Variants in ADAM32 observed in about 807,000 individuals in gnomAD.
The protein encoded by ADAM32 is ADAM metallopeptidase domain 32.
Under a neutral mutation model 114.9 loss-of-function variants are expected in ADAM32, and 89 were observed. The observed-to-expected ratio is 0.77, with a 90% confidence interval of 0.65 to 0.92. ADAM32 has a LOEUF of 0.92. Among genes scored for constraint, ADAM32 ranks in the 40% least tolerant of loss-of-function variants. The pLI, the probability that ADAM32 is intolerant of heterozygous loss-of-function variation, is 0.00. For missense variants in ADAM32, 870 were observed against 932.8 expected, an observed-to-expected ratio of 0.93 and a Z score of 0.88; for synonymous variants, 285 against 307.5, an observed-to-expected ratio of 0.93 and a Z score of 0.77.
At chr8:39,178,527 A>G (rs968563499) in intron 10 of ADAM32, among the ~76,000 whole-genome samples, 5 of 152,164 alleles carry the variant, frequency 3.3e-5, no homozygotes, top group Admixed American at 6.5e-5. Flanking sequence ...CATTTCAGCC[A>G]TCTCTGCCTC....
At chr8:39,125,610 C>G (rs1802065675) in intron 2 of ADAM32, among the ~76,000 whole-genome samples, 1 of 152,236 alleles carries the variant, frequency 6.6e-6, no homozygotes, top group African/African-American at 2.4e-5. Context: ...AAAAATTTCT[C>G]CCATTCTGTA....
chr8:39,130,797 C>T, intron 2 of ADAM32: 2 of 429,108 alleles, frequency 4.7e-6, no homozygotes, highest in Admixed American at 2.7e-5. Flanking sequence ...TTTTTGTGGC[C>T]TAGAATATGG....
intron 1 of ADAM32, among the ~76,000 whole-genome samples, chr8:39,117,716 A>G (rs1231187146): frequency 6.6e-6 from 1 of 152,074 alleles, no homozygotes; most frequent in East Asian, 1.9e-4. Flanking sequence ...CAATTTCAGT[A>G]GAATATGTTT....
At chr8:39,170,059 GTATA>G in intron 10 of ADAM32, 62 bp downstream of exon 10, 1 of 1,272,298 alleles carries the variant, frequency 7.9e-7, no homozygotes, top group East Asian at 2.4e-5. Flanking sequence ...TGACATGATA[GTATA>G]TATTTTGTAC....
intron 1 of ADAM32, among the ~76,000 whole-genome samples, chr8:39,115,799 T>C (rs78157973): frequency 6.6e-6 from 1 of 152,224 alleles, no homozygotes; most frequent in East Asian, 1.9e-4. Flanking sequence ...GGAGTCTTCA[T>C]CATGAAACCT....
upstream of ADAM32, chr8:39,107,599 G>C (rs1839976306): frequency 7.1e-7 from 1 of 1,414,930 alleles, no homozygotes. Context: ...CGGGGCGCAC[G>C]CTGCGGGCCC....
chr8:39,184,227 A>T (rs1806082820), intron 10 of ADAM32, among the ~76,000 whole-genome samples: 1 of 152,200 alleles, frequency 6.6e-6, no homozygotes, highest in Non-Finnish European at 1.5e-5. Flanking sequence ...TAATGGCAAC[A>T]CTAATATAAG....
chr8:39,259,540 A>G (rs1038412467), intron 19 of ADAM32, among the ~76,000 whole-genome samples: 2 of 152,134 alleles, frequency 1.3e-5, no homozygotes, highest in African/African-American at 4.8e-5. Flanking sequence ...TATAATGTCT[A>G]AATTTAATCA....
At chr8:39,191,376 A>G (rs1485598074) in intron 11 of ADAM32, among the ~76,000 whole-genome samples, 1 of 152,222 alleles carries the variant, frequency 6.6e-6, no homozygotes, top group Non-Finnish European at 1.5e-5. Context: ...CCAACAGTGT[A>G]TAAGTGTTCC....
At chr8:39,215,430 T>C (rs1808494550) in intron 12 of ADAM32, among the ~76,000 whole-genome samples, 2 of 152,004 alleles carry the variant, frequency 1.3e-5, no homozygotes, top group South Asian at 2.1e-4. Context: ...ATTTCATTTA[T>C]AGTTATTGTA....
intron 12 of ADAM32, among the ~76,000 whole-genome samples, chr8:39,219,298 G>C (rs561361029): frequency 6.6e-6 from 1 of 152,070 alleles, no homozygotes; most frequent in Non-Finnish European, 1.5e-5. Flanking sequence ...CTGCAGTCTG[G>C]CTTAGAGCCC....
intron 16 of ADAM32, among the ~76,000 whole-genome samples, chr8:39,236,991 T>G (rs370165673): frequency 1.3e-5 from 2 of 152,116 alleles, no homozygotes; most frequent in East Asian, 3.9e-4. Flanking sequence ...AGAAGCAGCT[T>G]GCCACTACAA....
At chr8:39,170,987 G>C (rs1201868450) in intron 10 of ADAM32, among the ~76,000 whole-genome samples, 2 of 152,088 alleles carry the variant, frequency 1.3e-5, no homozygotes, top group Non-Finnish European at 2.9e-5. Context: ...AGGCTGGAGT[G>C]CAGCAGCCTG....
intron 2 of ADAM32, among the ~76,000 whole-genome samples, chr8:39,129,170 A>T (rs1802294039): frequency 6.9e-6 from 1 of 144,044 alleles, no homozygotes; most frequent in Non-Finnish European, 1.5e-5. Context: ...TACAAACAGG[A>T]TCATGCCACT....
intron 14 of ADAM32, chr8:39,223,441 T>C (rs916358961): frequency 3.6e-6 from 1 of 278,972 alleles, no homozygotes; most frequent in Non-Finnish European, 6.4e-6. Context: ...TTTTATTATA[T>C]GTATAAGCAA....
chr8:39,193,117 A>C (rs1049671556), intron 11 of ADAM32, among the ~76,000 whole-genome samples: 2 of 152,150 alleles, frequency 1.3e-5, no homozygotes, highest in African/African-American at 4.8e-5. Flanking sequence ...CATTCTCCCC[A>C]TATCTTTCAG....
intron 23 of ADAM32, among the ~76,000 whole-genome samples, chr8:39,282,886 T>C (rs1254123202): frequency 6.6e-6 from 1 of 152,184 alleles, no homozygotes; most frequent in African/African-American, 2.4e-5. Context: ...TGTTTCATGG[T>C]CAGAGTAGTA....
chr8:39,147,845 C>T (rs1167207926), intron 4 of ADAM32, among the ~76,000 whole-genome samples: 1 of 151,986 alleles, frequency 6.6e-6, no homozygotes, highest in African/African-American at 2.4e-5. Context: ...GCGATCTTGG[C>T]TCACTGAAAC....
rs1564622739 is a variant in ADAM32, at chr8:39,218,802, A to G, written c.1234-2808A>G. 2.0e-5 allele frequency among the ~76,000 whole-genome samples: 3 copies of G among 152,162 alleles called. No homozygotes were observed. In the South Asian group the frequency reaches 6.2e-4, roughly 32 times the overall value. ...GTCCCAGGACAGGTCCAGAAGTGCT[A>G]TCTAAGAGAAAAGTCCTGGAATAAG... On this transcript the variant is annotated intron_variant, in intron 12 of 24. Transcript: ENST00000379907.
Sources: gnomAD v4.1 joint callset for allele counts (sites outside exome capture counted in the v4.1 genomes callset) on GRCh38, gnomAD v4.1.1 for gene constraint, MANE v1.5 for transcripts, NCBI Gene and HGNC (gene_info 2026-07-23, HGNC 2026-07-21) for gene names.